TSEN2: variants seen among roughly 807,000 people sequenced by gnomAD.
The protein encoded by TSEN2 is tRNA-splicing endonuclease subunit Sen2.
A neutral mutation model predicts 59.2 loss-of-function variants in TSEN2; 54 were observed. The observed-to-expected ratio is 0.91, with a 90% CI of 0.73 to 1.14. The LOEUF (loss-of-function observed/expected upper bound fraction) is 1.14. Ranked by LOEUF, TSEN2 falls within the 50% of genes most tolerant of loss-of-function variation. The pLI is 0.00. For missense variants in TSEN2, 636 were observed against 576.2 expected (o/e 1.10, Z -1.06); for synonymous variants, 195 against 198.2 (o/e 0.98, Z 0.14).
exon 11 of TSEN2, chr3:12,539,370 G>C (rs903650084): frequency 3.2e-6 from 1 of 310,770 alleles, no homozygotes; most frequent in Non-Finnish European, 6.2e-6. Context: ...CTGACCTCAA[G>C]TGATCTGCCC....
chr3:12,504,082 G>T (rs985479001), intron 5 of TSEN2, among the ~76,000 whole-genome samples: 1 of 152,206 alleles, frequency 6.6e-6, no homozygotes, highest in African/African-American at 2.4e-5. Flanking sequence ...TGAGCAAGAA[G>T]GGCTCACGTG....
chr3:12,484,517 G>C lies in TSEN2; in HGVS notation c.-381G>C, dbSNP rs1404607345. 2 of 152,280 alleles carry C rather than the reference G, an allele frequency of 1.3e-5. No individual in the cohort carries two copies. The highest frequency in any genetic ancestry group is 6.5e-5 in the Admixed American group (1 of 15,296). The allele number at this position is 152,280 out of a possible 1,614,324, so 9.4% of individuals were successfully genotyped here. The stretch of plus-strand genomic sequence containing the variant: ...ACGGCGAGCGCGTGGGGCCAAGAAA[G>C]GTAAGGGCCCTGGGCGAGGAAAGCG... On this transcript the variant is annotated 5_prime_UTR_variant, in exon 1 of 12. Coordinates refer to ENST00000284995, the MANE Select transcript of TSEN2 (RefSeq NM_025265.4).
intron 3 of TSEN2, 38 bp downstream of exon 3, chr3:12,492,255 A>G (rs1559279525): frequency 2.0e-6 from 3 of 1,493,326 alleles, no homozygotes; most frequent in Non-Finnish European, 2.7e-6. Context: ...TTGACAAATT[A>G]ATCATTTTCC....
intron 8 of TSEN2, among the ~76,000 whole-genome samples, chr3:12,521,276 A>G (rs2056615061): frequency 6.6e-6 from 1 of 152,232 alleles, no homozygotes; most frequent in South Asian, 2.1e-4. Context: ...GAACAGGACA[A>G]ACAGAGCTGC....
intron 1 of TSEN2, among the ~76,000 whole-genome samples, chr3:12,485,256 G>C (rs986319678): frequency 6.6e-6 from 1 of 152,156 alleles, no homozygotes; most frequent in African/African-American, 2.4e-5. Context: ...AGGAAGGTTG[G>C]AAAATTAAAT....
intron 1 of TSEN2, among the ~76,000 whole-genome samples, chr3:12,488,818 A>T (rs1448548051): frequency 2.0e-5 from 3 of 152,236 alleles, no homozygotes; most frequent in Admixed American, 6.5e-5. Context: ...CTGTGCTTTC[A>T]GCAGAATCTA....
intron 1 of TSEN2, among the ~76,000 whole-genome samples, chr3:12,487,498 T>C (rs2052739783): frequency 6.6e-6 from 1 of 150,456 alleles, no homozygotes; most frequent in African/African-American, 2.5e-5. Flanking sequence ...TTAAATCTTT[T>C]TTCATTTTTT....
chr3:12,518,008 GTGAC>G (rs1302757375), intron 7 of TSEN2, among the ~76,000 whole-genome samples: 1 of 151,894 alleles, frequency 6.6e-6, no homozygotes, highest in Non-Finnish European at 1.5e-5. Flanking sequence ...GTCTCACTGA[GTGAC>G]TGAGCCTTAA....
chr3:12,514,740 A>G (rs2055870768), intron 6 of TSEN2: 1 of 152,190 alleles, frequency 6.6e-6, no homozygotes, highest in Admixed American at 6.5e-5. Flanking sequence ...CTAAAATTGG[A>G]ACAATGCAGA....
intron 1 of TSEN2, among the ~76,000 whole-genome samples, chr3:12,485,082 C>G (rs1435933114): frequency 6.6e-6 from 1 of 152,198 alleles, no homozygotes; most frequent in Non-Finnish European, 1.5e-5. Flanking sequence ...CAGGTTCTAA[C>G]TTGAAAGCTC....
chr3:12,516,432 A>G lies in TSEN2; in HGVS notation c.910-179A>G, dbSNP rs368900746. Among the ~76,000 whole-genome samples, 523 of 115,354 alleles carry G rather than the reference A, an allele frequency of 4.5e-3. 4 individuals are homozygous for G. Among genetic ancestry groups the G allele is most frequent in the African/African-American group, 0.013 (433 of 33,892 alleles). 75.7% of individuals were successfully genotyped at this position (115,354 alleles called of 152,430 possible). On this transcript the variant is annotated intron_variant, in intron 6 of 11. Coordinates refer to ENST00000284995, the MANE Select transcript of TSEN2 (RefSeq NM_025265.4). ...AGAGTGAGACTCCGTTTCAAAAACA[A>G]ACAAACAAAATATATGTGTGTGTGT...
chr3:12,519,785 C>T (rs963331832), intron 8 of TSEN2, among the ~76,000 whole-genome samples: 2 of 152,200 alleles, frequency 1.3e-5, no homozygotes, highest in South Asian at 4.2e-4. Flanking sequence ...AGCACCCACC[C>T]CCACGTCTCT....
chr3:12,519,223 G>T, intron 8 of TSEN2, 26 bp downstream of exon 8: 2 of 1,614,076 alleles, frequency 1.2e-6, no homozygotes, highest in South Asian at 2.2e-5. Context: ...CGTGGTGTGT[G>T]TGAGAATAGA....
At chr3:12,526,945 G>A (rs1047092687) in intron 8 of TSEN2, among the ~76,000 whole-genome samples, 17 of 152,184 alleles carry the variant, frequency 1.1e-4, no homozygotes, top group African/African-American at 3.9e-4. Flanking sequence ...GACTAGAAAA[G>A]ATCTCAATTT....
At chr3:12,492,908 T>C (rs1390246967) in intron 3 of TSEN2, among the ~76,000 whole-genome samples, 2 of 152,240 alleles carry the variant, frequency 1.3e-5, no homozygotes, top group South Asian at 2.1e-4. Context: ...AAATTACCTA[T>C]GCATTTACTT....
At chr3:12,491,042 G>C (rs1575225041) in intron 2 of TSEN2, among the ~76,000 whole-genome samples, 1 of 152,092 alleles carries the variant, frequency 6.6e-6, no homozygotes, top group Admixed American at 6.5e-5. Flanking sequence ...CCAGACTAGG[G>C]TGCAGTGGCA....
rs1367116549 is a variant in TSEN2 at position 12,490,002 on chromosome 3, A to G, written c.189+13A>G. 14 of 1,613,764 alleles carry G rather than the reference A, an allele frequency of 8.7e-6. No homozygotes were observed. The highest frequency in any genetic ancestry group is 1.1e-5 in the Non-Finnish European group (13 of 1,179,734). On this transcript the variant is annotated intron_variant, in intron 2 of 11. Transcript: ENST00000284995. ...GCTCTATGGGAAAGTAAGTGCAGGC[A>G]GCCTTGGTAAGATTACTTTCAGACA...
At chr3:12,515,707 C>G (rs1345685937) in intron 6 of TSEN2, among the ~76,000 whole-genome samples, 1 of 152,128 alleles carries the variant, frequency 6.6e-6, no homozygotes, top group Non-Finnish European at 1.5e-5. Flanking sequence ...CAACTGGAGC[C>G]AATTTTCTTT....
chr3:12,505,418 G>C (rs1326854065), intron 6 of TSEN2, 187 bp downstream of exon 6: 1 of 588,810 alleles, frequency 1.7e-6, no homozygotes. Context: ...TATTTCATCA[G>C]TTCTAAGATA....
Sources: gnomAD v4.1 joint callset for allele counts (sites outside exome capture counted in the v4.1 genomes callset) on GRCh38, gnomAD v4.1.1 for gene constraint, MANE v1.5 for transcripts, NCBI Gene and HGNC (gene_info 2026-07-23, HGNC 2026-07-21) for gene names.